KRT33B: variants seen among roughly 807,000 people sequenced by gnomAD.
The protein encoded by KRT33B is keratin 33B.
In KRT33B, 37 loss-of-function variants were observed where a neutral mutation model predicts 42.7. The ratio of observed to expected loss-of-function variants is 0.87; its 90% CI spans 0.67 to 1.14. The LOEUF is 1.14. KRT33B is among the 50% of genes most tolerant of loss of function. KRT33B has a pLI of 0.00. For synonymous variants in KRT33B, 237 were observed against 221.2 expected (o/e 1.07, Z -0.63); for missense variants, 523 against 515.1 (o/e 1.02, Z -0.15).
chr17:41,365,028 A>G (rs375619954), intron 5 of KRT33B, 29 bp from the exon 6 acceptor site: 2 of 1,612,680 alleles, frequency 1.2e-6, no homozygotes, highest in Non-Finnish European at 1.7e-6. Context: ...GGAATGTCAG[A>G]GAGCTGCTCC....
Position 41,366,463 on chromosome 17 carries a change from C to A in KRT33B, c.588+7G>T. 1.9e-6 allele frequency: 3 copies of A among 1,611,806 alleles called. No homozygotes were observed. The highest frequency in any genetic ancestry group is 2.5e-6 in the Non-Finnish European group (3 of 1,179,998). ...AGTATTGGGATATTGGGGGCTGGGA[C>A]TCTTACCTGCTCATGGTTCTGCTTG... On this transcript the variant is annotated splice_region_variant and intron_variant, in intron 3 of 6. Coordinates refer to ENST00000251646, the MANE Select transcript of KRT33B (RefSeq NM_002279.5).
chr17:41,368,023 A>G (rs774775358), intron 1 of KRT33B, 33 bp from the exon 2 acceptor site: 4 of 1,594,244 alleles, frequency 2.5e-6, no homozygotes, highest in Admixed American at 1.7e-5. Flanking sequence ...AATGGGTTAT[A>G]CTAAGAAATG....
In KRT33B at chr17:41,364,160, T is replaced by C. The variant is rs565333139; in HGVS notation, c.1098-207A>G. On this transcript the variant is annotated intron_variant, in intron 6 of 6. Transcript: ENST00000251646. ...TAAGGTGGAATCCCAGCCTTCCTTG[T>C]ATGACCCTAGACACACAAGAAAGTC... 5.3e-5 allele frequency among the ~76,000 whole-genome samples: 8 copies of C among 151,388 alleles called. No individual in the cohort carries two copies. In the East Asian group the frequency reaches 7.7e-4, roughly 15 times the overall value.
At chr17:41,365,657 A>T in intron 3 of KRT33B, 104 bp from the exon 4 acceptor site, 1 of 1,435,434 alleles carries the variant, frequency 7.0e-7, no homozygotes, top group Non-Finnish European at 9.4e-7. Context: ...GCAGCTTAGG[A>T]AACATGAGTT....
intron 2 of KRT33B, 137 bp downstream of exon 2, chr17:41,367,771 A>G (rs1211541786): frequency 7.1e-6 from 5 of 704,514 alleles, no homozygotes; most frequent in Non-Finnish European, 1.2e-5. Context: ...AGGCTTTGAC[A>G]TTTAACCTAA....
chr17:41,367,922 A>G lies in KRT33B; in HGVS notation c.417T>C (p.Asp139=). The change falls in exon 2 of 7, where the codon GAT becomes GAC. Residue 139 remains aspartate (D), a synonymous_variant. Transcript: ENST00000251646. ...VQIDNAKLAA[D]DFRTKYQTEQ... ...GAAAATCTTACTTGGTTCTGAAGTC[A>G]TCTGCAGCCAGCTTGGCATTGTCGA... 5 of 1,612,974 alleles carry G rather than the reference A, an allele frequency of 3.1e-6. No individual in the cohort carries two copies. Among genetic ancestry groups the G allele is most frequent in the Non-Finnish European group, 4.2e-6 (5 of 1,180,020 alleles).
At chr17:41,364,707 C>T (rs1236217225) in intron 6 of KRT33B, 72 bp downstream of exon 6, 1 of 1,581,920 alleles carries the variant, frequency 6.3e-7, no homozygotes, top group Non-Finnish European at 8.6e-7. Context: ...ACTTGATTTT[C>T]AAAGTCTCTG....
Position 41,364,766 on chromosome 17 carries a change from G to C in KRT33B, c.1097+13C>G. On this transcript the variant is annotated intron_variant, in intron 6 of 6. Transcript: ENST00000251646. ...CCTGTCCCTTGCAGGGGTGCCGTCC[G>C]CCAGGTACTCACTTGCAGTCCTCGC... The C allele has an allele frequency of 6.2e-7, 1 of 1,612,294 alleles. No individual in the cohort carries two copies. Among genetic ancestry groups the C allele is most frequent in the African/African-American group, 1.4e-5 (1 of 74,046 alleles).
intron 1 of KRT33B, among the ~76,000 whole-genome samples, chr17:41,368,445 C>CA (rs1225210599): frequency 1.3e-5 from 2 of 151,334 alleles, no homozygotes; most frequent in Admixed American, 6.6e-5. Flanking sequence ...AGAATGCCCT[C>CA]ACCCACTAGC....
intron 1 of KRT33B, among the ~76,000 whole-genome samples, chr17:41,368,596 C>T (rs2017732846): frequency 6.6e-6 from 1 of 151,202 alleles, no homozygotes; most frequent in Non-Finnish European, 1.5e-5. Context: ...TACATTATCC[C>T]CCACCCCAGC....
rs1021695883 is a variant in KRT33B, at chr17:41,365,569, GA to G, written c.589-17del. On this transcript the variant is annotated splice_polypyrimidine_tract_variant and intron_variant, in intron 3 of 6. Coordinates refer to ENST00000251646, the MANE Select transcript of KRT33B (RefSeq NM_002279.5). ...TGTTGACTTCCTAATGGAGAAAAGGGAAGAAATAAACCCACAGAAAGAAGTC... is the reference window on the plus strand; with the variant it reads ...TGTTGACTTCCTAATGGAGAAAAGGGAGAAATAAACCCACAGAAAGAAGTC... 3.7e-6 allele frequency: 6 copies of G among 1,607,358 alleles called. 2 individuals are homozygous for G. The African/African-American group carries it at 8.2e-5, about 22-fold the overall frequency.
rs149925504 is a variant in KRT33B, at chr17:41,367,102, T to G, written c.432-476A>C. On this transcript the variant is annotated intron_variant, in intron 2 of 6. Coordinates refer to ENST00000251646, the MANE Select transcript of KRT33B (RefSeq NM_002279.5). The stretch of plus-strand genomic sequence containing the variant: ...AGGCTTGATTTCCTTAACTGTAAAA[T>G]GAAGACAAAACTAACACCTTATAGG... Among the ~76,000 whole-genome samples, 722 of 151,446 alleles carry G rather than the reference T, an allele frequency of 4.8e-3. 46 individuals carry two copies. Among genetic ancestry groups the G allele is most frequent in the African/African-American group, 0.017 (694 of 40,760 alleles).
At position 41,363,601 on chromosome 17, in the gene KRT33B, C is replaced by A. The variant is rs552610055; in HGVS notation, c.*235G>T. 9 of 397,850 alleles carry A rather than the reference C, an allele frequency of 2.3e-5. No homozygotes were observed. In the Admixed American group the frequency reaches 3.5e-4, roughly 15 times the overall value. 24.6% of individuals were successfully genotyped at this position (397,850 alleles called of 1,614,324 possible). A position where few individuals can be genotyped will look rare whatever the true frequency, so the allele number is the denominator to read the frequency against. ...TCGTATGCCACTGTCACAGCTCCAA[C>A]CTCTGACCATCAGAACTCAGACTGA... is the stretch of plus-strand genomic sequence containing the variant. On this transcript the variant is annotated 3_prime_UTR_variant, in exon 7 of 7. Transcript: ENST00000251646.
Position 41,369,359 on chromosome 17 carries a change from A to T in KRT33B, c.348+44T>A, listed in dbSNP as rs1329157914. On this transcript the variant is annotated intron_variant, in intron 1 of 6. Coordinates refer to ENST00000251646, the MANE Select transcript of KRT33B (RefSeq NM_002279.5). ...TCACAGTTTAGTATGTCAAATATAG[A>T]TAAGTAGTTCATTAAGCTGGCAGTG... 4 of 1,605,214 alleles carry T rather than the reference A, an allele frequency of 2.5e-6. No individual in the cohort carries two copies. The African/African-American group carries it at 5.4e-5, about 22-fold the overall frequency.
At position 41,369,436 on chromosome 17, in the gene KRT33B, G is replaced by C. The variant is rs1376630769; in HGVS notation, c.315C>G (p.Ser105=). ...QEPLLCPSYQ[S]YFKTIEELQQ... ...GGAGCTCCTCAATGGTCTTGAAGTA[G>C]GACTGGTAGCTGGGGCACAGCAAGG... is the stretch of plus-strand genomic sequence containing the variant. The change falls in exon 1 of 7, where the codon TCC becomes TCG. Residue 105 remains serine, a synonymous_variant. Transcript: ENST00000251646. 1.9e-6 allele frequency: 3 copies of C among 1,613,386 alleles called. No homozygotes were observed. Among genetic ancestry groups the C allele is most frequent in the Non-Finnish European group, 2.5e-6 (3 of 1,180,044 alleles).
Position 41,368,569 on chromosome 17 carries a change from G to GAGACT in KRT33B, c.349-584_349-580dup, listed in dbSNP as rs1350031896. Among the ~76,000 whole-genome samples, 2 of 151,258 alleles carry GAGACT rather than the reference G, an allele frequency of 1.3e-5. 1 individual carries two copies. The highest frequency in any genetic ancestry group is 4.9e-5 in the African/African-American group (2 of 40,592). On this transcript the variant is annotated intron_variant, in intron 1 of 6. Coordinates refer to ENST00000251646, the MANE Select transcript of KRT33B (RefSeq NM_002279.5). ...TTAGACTGTGAGCTCCTGAAGGAAG[G>GAGACT]AGACTGTCTTACTCAGTACATTATC...
chr17:41,363,851 G>T lies in KRT33B; in HGVS notation c.1200C>A (p.Asn400Lys). Reference protein sequence around the residue: ...CGPRSRCGPCNTFGY With the variant: ...CGPRSRCGPCKTFGY ...CCCAGGGTATCTAGTACCCAAAGGT[G>T]TTGCAAGGCCCACAGCGGGAACGAG... is the stretch of plus-strand genomic sequence containing the variant. Residue 400 changes from asparagine (N) to lysine (K), a missense_variant, in exon 7 of 7, where the codon AAC becomes AAA. Physicochemically the swap from Asn to Lys is moderately conservative, Grantham distance 94. Coordinates refer to ENST00000251646, the MANE Select transcript of KRT33B (RefSeq NM_002279.5). 6.2e-7 allele frequency: 1 copy of T among 1,607,632 alleles called. No homozygotes were observed. The highest frequency in any genetic ancestry group is 8.5e-7 in the Non-Finnish European group (1 of 1,176,792).
chr17:41,366,669 A>AC, intron 2 of KRT33B, 43 bp from the exon 3 acceptor site: 1 of 1,523,722 alleles, frequency 6.6e-7, no homozygotes, highest in Non-Finnish European at 8.8e-7. Context: ...AAAAAAAAAA[A>AC]GTCTTTGTTT....
In KRT33B at chr17:41,363,678, G is replaced by C; in HGVS notation, c.*158C>G. The C allele has an allele frequency of 1.8e-6, 1 of 568,444 alleles. No individual in the cohort carries two copies. Among genetic ancestry groups the C allele is most frequent in the South Asian group, 2.6e-5 (1 of 37,980 alleles). The allele number at this position is 568,444 out of a possible 1,614,324, so 35.2% of individuals were successfully genotyped here. ...AGGATCAAGTAGCCCTAGGCTCAGAGTCAGACCCAAACGCTGGGCATTTGT... is the reference window on the plus strand; with the variant it reads ...AGGATCAAGTAGCCCTAGGCTCAGACTCAGACCCAAACGCTGGGCATTTGT... On this transcript the variant is annotated 3_prime_UTR_variant, in exon 7 of 7. Transcript: ENST00000251646.
Sources: gnomAD v4.1 joint callset for allele counts (sites outside exome capture counted in the v4.1 genomes callset) on GRCh38, gnomAD v4.1.1 for gene constraint, MANE v1.5 for transcripts, NCBI Gene and HGNC (gene_info 2026-07-23, HGNC 2026-07-21) for gene names.